WDR1: variants seen among roughly 807,000 people sequenced by gnomAD.
WDR1 encodes the protein WD repeat domain 1.
A neutral mutation model predicts 71.9 loss-of-function variants in WDR1; 21 were observed. That is an observed-to-expected ratio of 0.29 (90% CI 0.21 to 0.42). The LOEUF (loss-of-function observed/expected upper bound fraction) is 0.42. Ranked by LOEUF, WDR1 falls within the 10% of genes least tolerant of loss-of-function variation. WDR1 has a pLI of 1.00. For missense variants in WDR1, 696 were observed against 824.5 expected, an observed-to-expected ratio of 0.84 and a Z score of 1.91; for synonymous variants, 424 against 347.4, an observed-to-expected ratio of 1.22 and a Z score of -2.45.
At chr4:10,106,227 G>A (rs1343650414) in intron 2 of WDR1, among the ~76,000 whole-genome samples, 1 of 152,182 alleles carries the variant, frequency 6.6e-6, no homozygotes, top group Non-Finnish European at 1.5e-5. Context: ...ACTGAATACA[G>A]ACAAATTCTA....
chr4:10,081,197 G>T (rs959579151), intron 11 of WDR1, among the ~76,000 whole-genome samples, 160 bp downstream of exon 11: 4 of 152,192 alleles, frequency 2.6e-5, no homozygotes, highest in Non-Finnish European at 5.9e-5. Context: ...TGATGTGATG[G>T]TGGTGAGGAT....
rs1711716166 is a variant in WDR1 at position 10,088,234 on chromosome 4, C to T, written c.717+59G>A. The T allele has an allele frequency of 2.7e-6, 4 of 1,473,412 alleles. No individual in the cohort carries two copies. The Admixed American group carries it at 5.9e-5, about 22-fold the overall frequency. The allele number at this position is 1,473,412 out of a possible 1,614,324, so 91.3% of individuals were successfully genotyped here. On this transcript the variant is annotated intron_variant, in intron 7 of 14. Coordinates refer to ENST00000499869, the MANE Select transcript of WDR1 (RefSeq NM_017491.5). The stretch of plus-strand genomic sequence containing the variant: ...TAACTCCGGAGTGAGTGTGGATGGA[C>T]TGACACGTGGACTCGGCCAAATTCC...
chr4:10,108,751 G>C lies in WDR1; in HGVS notation c.139-4765C>G, dbSNP rs559084171. Among the ~76,000 whole-genome samples, 11 of 152,284 alleles carry C rather than the reference G, an allele frequency of 7.2e-5. No homozygotes were observed. The South Asian group carries it at 2.1e-3, about 29-fold the overall frequency. On this transcript the variant is annotated intron_variant, in intron 2 of 14. Transcript: ENST00000499869. ...ATGTAAACTTCTGCGACAACACAAC[G>C]CCTTCTCCTAATTATCTTTTAAGGC...
Position 10,116,122 on chromosome 4 carries a change from C to T in WDR1, c.129G>A (p.Arg43=). Residue 43 remains arginine (R), a synonymous_variant, in exon 2 of 15, where the codon AGG becomes AGA. Coordinates refer to ENST00000499869, the MANE Select transcript of WDR1 (RefSeq NM_017491.5). ...LYTNGKCVIL[R]NIDNPALADI... is the part of the protein sequence containing the mutation. ...GGTAGGGGGTACTCACGTCGATGTT[C>T]CTTAGGATGACGCACTTTCCATTGG... 2.5e-6 allele frequency: 4 copies of T among 1,613,442 alleles called. No homozygotes were observed. In the East Asian group the frequency reaches 6.7e-5, roughly 27 times the overall value.
chr4:10,108,646 C>T (rs996730499), intron 2 of WDR1, among the ~76,000 whole-genome samples: 1 of 152,246 alleles, frequency 6.6e-6, no homozygotes, highest in Non-Finnish European at 1.5e-5. Flanking sequence ...ATATAACTGG[C>T]CAGGGCCCTT....
At chr4:10,099,676 G>A (rs34104130) in intron 3 of WDR1, among the ~76,000 whole-genome samples, 2 of 152,160 alleles carry the variant, frequency 1.3e-5, no homozygotes, top group Non-Finnish European at 2.9e-5. Flanking sequence ...ATGCCTCAGC[G>A]TGGCCTGGCG....
intron 2 of WDR1, among the ~76,000 whole-genome samples, chr4:10,110,064 G>A (rs1713258414): frequency 6.6e-6 from 1 of 152,174 alleles, no homozygotes; most frequent in African/African-American, 2.4e-5. Flanking sequence ...ACAGAGAGGT[G>A]CTCAGGGGTA....
At chr4:10,110,136 A>G (rs564830732) in intron 2 of WDR1, among the ~76,000 whole-genome samples, 2 of 152,218 alleles carry the variant, frequency 1.3e-5, no homozygotes, top group South Asian at 4.1e-4. Flanking sequence ...CCTGGAGAGC[A>G]GGCAGGACCC....
chr4:10,106,785 T>G (rs1048962488), intron 2 of WDR1, among the ~76,000 whole-genome samples: 25 of 152,104 alleles, frequency 1.6e-4, no homozygotes, highest in African/African-American at 6.0e-4. Flanking sequence ...TACTCCAAAC[T>G]GCAGATAATG....
Position 10,077,614 on chromosome 4 carries a change from C to G in WDR1, c.1569+139G>C. ...CCACTGACTCCTCAGAAGCATGGCA[C>G]GAGGCACCTGCTACTTGTAGAGGCA... On this transcript the variant is annotated intron_variant, in intron 13 of 14. Transcript: ENST00000499869. 12 of 1,453,172 alleles carry G rather than the reference C, an allele frequency of 8.3e-6. No individual in the cohort carries two copies. In the South Asian group the frequency reaches 1.6e-4, roughly 20 times the overall value. 90.0% of individuals were successfully genotyped at this position (1,453,172 alleles called of 1,614,324 possible). A position where few individuals can be genotyped will look rare whatever the true frequency, so the allele number is the denominator to read the frequency against.
At chr4:10,106,886 C>T (rs1181222658) in intron 2 of WDR1, among the ~76,000 whole-genome samples, 1 of 152,152 alleles carries the variant, frequency 6.6e-6, no homozygotes, top group Non-Finnish European at 1.5e-5. Flanking sequence ...CCTCACACCC[C>T]CACGTGTCAC....
intron 8 of WDR1, 29 bp from the exon 9 acceptor site, chr4:10,084,559 G>C (rs756615364): frequency 6.2e-7 from 1 of 1,606,632 alleles, no homozygotes; most frequent in Non-Finnish European, 8.5e-7. Flanking sequence ...GGGCGGGTAA[G>C]CTGATGACAC....
Position 10,078,902 on chromosome 4 carries a change from T to G in WDR1, c.1384A>C (p.Ile462Leu), listed in dbSNP as rs368255182. The change falls in exon 12 of 15, where the codon ATT becomes CTT. Residue 462 changes from isoleucine to leucine, a missense_variant. Ile to Leu is a conservative substitution (Grantham distance 5). Transcript: ENST00000499869. ...GGAAAGCGACTTACCACACCCCCAA[T>G]TGCCACCGTGTCCCCGCCGGGGTGC... The part of the protein sequence containing the change: ...AVHPGGDTVA[I>L]GGVDGNVRLY... 6.2e-7 allele frequency: 1 copy of G among 1,612,454 alleles called. No individual in the cohort carries two copies.
intron 14 of WDR1, chr4:10,076,953 G>T: frequency 4.6e-6 from 1 of 218,214 alleles, no homozygotes. Context: ...AAATTTCAAC[G>T]CCACATGAGG....
intron 5 of WDR1, among the ~76,000 whole-genome samples, chr4:10,095,405 G>A (rs1292932510): frequency 6.6e-6 from 1 of 152,190 alleles, no homozygotes; most frequent in Non-Finnish European, 1.5e-5. Context: ...CATCAGAAGA[G>A]CCCACATACG....
intron 3 of WDR1, 111 bp from the exon 4 acceptor site, chr4:10,099,250 G>C: frequency 1.2e-6 from 1 of 864,174 alleles, no homozygotes; most frequent in Non-Finnish European, 1.8e-6. Context: ...GGCCCACTCA[G>C]AACCATGTCT....
At position 10,097,852 on chromosome 4, in the gene WDR1, C is replaced by T. The variant is rs1396214433; in HGVS notation, c.417G>A (p.Val139=). The stretch of plus-strand genomic sequence containing the variant: ...CTTTGTTGTGTCCTGTAATCTCGCC[C>T]ACAGAAGAGCCACTATCCCAGAGGA... ...AVFLWDSGSS[V]GEITGHNKVI... Residue 139 remains valine (V), a synonymous_variant, in exon 5 of 15, where the codon GTG becomes GTA. Transcript: ENST00000499869. 1.9e-6 allele frequency: 3 copies of T among 1,609,614 alleles called. No individual in the cohort carries two copies. The highest frequency in any genetic ancestry group is 2.5e-6 in the Non-Finnish European group (3 of 1,178,270).
chr4:10,115,851 G>T (rs1237654882), intron 2 of WDR1: 1 of 436,368 alleles, frequency 2.3e-6, no homozygotes, highest in Non-Finnish European at 4.2e-6. Flanking sequence ...GATCAGAGGC[G>T]ATCCGGCGCT....
chr4:10,103,260 TCA>T (rs1712805294), intron 3 of WDR1, among the ~76,000 whole-genome samples: 2 of 127,204 alleles, frequency 1.6e-5, no homozygotes, highest in Admixed American at 1.7e-4. Context: ...AAACATCCAT[TCA>T]CACATACACA....
Sources: gnomAD v4.1 joint callset for allele counts (sites outside exome capture counted in the v4.1 genomes callset) on GRCh38, gnomAD v4.1.1 for gene constraint, MANE v1.5 for transcripts, NCBI Gene and HGNC (gene_info 2026-07-23, HGNC 2026-07-21) for gene names.